Variants in CYBRD1 observed in about 807,000 individuals in gnomAD.
The protein encoded by CYBRD1 is cytochrome b reductase 1, also known as plasma membrane ascorbate-dependent reductase CYBRD1.
Under a neutral mutation model 21.9 loss-of-function variants are expected in CYBRD1, and 14 were observed. The observed-to-expected ratio is 0.64, with a 90% confidence interval of 0.42 to 1.00. The LOEUF is 1.00. CYBRD1 is among the 50% of genes least tolerant of loss of function. The probability of loss-of-function intolerance (pLI) is 0.00; values close to 1 mark genes in which losing one functional copy is unlikely to be tolerated. For synonymous variants in CYBRD1, 146 were observed against 136.5 expected, an observed-to-expected ratio of 1.07 and a Z score of -0.48; for missense variants, 328 against 352.5, an observed-to-expected ratio of 0.93 and a Z score of 0.56.
intron 1 of CYBRD1, among the ~76,000 whole-genome samples, chr2:171,538,475 T>C (rs1697577896): frequency 6.6e-6 from 1 of 152,126 alleles, no homozygotes; most frequent in Admixed American, 6.6e-5. Flanking sequence ...AAAAGATTCC[T>C]TGAATATAGA....
chr2:171,522,726 A>G lies in CYBRD1; in HGVS notation c.181A>G (p.Ile61Val), dbSNP rs868480546. 5.6e-6 allele frequency: 9 copies of G among 1,613,420 alleles called. No homozygotes were observed. The highest frequency in any genetic ancestry group is 6.8e-6 in the Non-Finnish European group (8 of 1,179,884). ...GCTCATGGTCACCGGCTTCGTCTTC[A>G]TCCAGGGCATCGGTACTGGCACCTC... ...PVLMVTGFVF[I>V]QGIAIIVYRL... Residue 61 changes from isoleucine (I) to valine (V), a missense_variant, in exon 1 of 4, where the codon ATC becomes GTC. Coordinates refer to ENST00000321348, the MANE Select transcript of CYBRD1 (RefSeq NM_024843.4). This position sits in a 1 kb window ranked among gnomAD's most constrained non-coding sequence, Gnocchi z 4.3.
chr2:171,536,879 C>G (rs1340998598), intron 1 of CYBRD1, among the ~76,000 whole-genome samples: 1 of 151,002 alleles, frequency 6.6e-6, no homozygotes, highest in Non-Finnish European at 1.5e-5. Context: ...TTTTTTTTTT[C>G]TGTATGTAGA....
chr2:171,542,792 G>A (rs186452413), intron 2 of CYBRD1, among the ~76,000 whole-genome samples: 37 of 152,066 alleles, frequency 2.4e-4, no homozygotes, highest in Admixed American at 2.4e-3. Context: ...GAGGTGCACA[G>A]CTCCCTTGAG....
At chr2:171,524,163 C>A (rs2105327038) in intron 1 of CYBRD1, among the ~76,000 whole-genome samples, 1 of 152,168 alleles carries the variant, frequency 6.6e-6, no homozygotes, top group Admixed American at 6.5e-5. Context: ...CCTCAGCATT[C>A]AAAGGCTTCC....
rs530881679 is a variant in CYBRD1 at position 171,540,215 on chromosome 2, A to T, written c.194-1370A>T. Among the ~76,000 whole-genome samples the T allele has an allele frequency of 7.2e-5, 11 of 152,312 alleles. 4 individuals are homozygous for T. The highest frequency in any genetic ancestry group is 2.6e-4 in the African/African-American group (11 of 41,574). Reference sequence around the variant, plus strand: ...GGCAACTACTATCCTGACTTTTCCAATGCAGAGATGAGTTTTGCTGGTTTC... The same window carrying T: ...GGCAACTACTATCCTGACTTTTCCATTGCAGAGATGAGTTTTGCTGGTTTC... On this transcript the variant is annotated intron_variant, in intron 1 of 3. Coordinates refer to ENST00000321348, the MANE Select transcript of CYBRD1 (RefSeq NM_024843.4).
chr2:171,555,532 G>A lies in CYBRD1; in HGVS notation c.*705G>A, dbSNP rs897238273. The stretch of plus-strand genomic sequence containing the variant: ...GCCCCAAGACTTCCCTAGGGTTGAT[G>A]TACTTTATGATCCAGATGCTAAACT... On this transcript the variant is annotated 3_prime_UTR_variant, in exon 4 of 4. Transcript: ENST00000321348. 1 of 152,258 alleles carries A rather than the reference G, an allele frequency of 6.6e-6. No homozygotes were observed. The highest frequency in any genetic ancestry group is 1.5e-5 in the Non-Finnish European group (1 of 68,142). 9.4% of individuals were successfully genotyped at this position (152,258 alleles called of 1,614,324 possible).
chr2:171,545,581 G>T (rs1244018894), intron 2 of CYBRD1, among the ~76,000 whole-genome samples: 24 of 146,174 alleles, frequency 1.6e-4, no homozygotes. Flanking sequence ...TAGAGACGGG[G>T]TTTCACCATG....
chr2:171,528,959 T>C (rs1306622902), intron 1 of CYBRD1, among the ~76,000 whole-genome samples: 1 of 152,248 alleles, frequency 6.6e-6, no homozygotes, highest in Non-Finnish European at 1.5e-5. Context: ...ATCTAAATTC[T>C]GATCACTGAC....
intron 1 of CYBRD1, among the ~76,000 whole-genome samples, chr2:171,527,015 T>A (rs1435881317): frequency 6.6e-6 from 1 of 152,194 alleles, no homozygotes; most frequent in Non-Finnish European, 1.5e-5. Flanking sequence ...CCTATTAATT[T>A]ATCTAAAAGT....
chr2:171,522,624 G>A lies in CYBRD1; in HGVS notation c.79G>A (p.Ala27Thr). 1.2e-6 allele frequency: 2 copies of A among 1,613,094 alleles called. No homozygotes were observed. Among genetic ancestry groups the A allele is most frequent in the South Asian group, 1.1e-5 (1 of 90,656 alleles). Residue 27 changes from alanine (A) to threonine (T), a missense_variant, in exon 1 of 4, where the codon GCC becomes ACC. Physicochemically the swap from Ala to Thr is moderately conservative, Grantham distance 58 (BLOSUM62 0). Transcript: ENST00000321348. This position sits in a 1 kb window ranked among gnomAD's most constrained non-coding sequence, Gnocchi z 4.3. The stretch of plus-strand genomic sequence containing the variant: ...CGTCGGCTTCCTGTCGGTGATCTTC[G>A]CCCTCGTCTGGGTCCTCCACTACCG... ...LLVGFLSVIF[A>T]LVWVLHYREG...
chr2:171,534,339 A>G (rs1434252830), intron 1 of CYBRD1, among the ~76,000 whole-genome samples: 5 of 152,068 alleles, frequency 3.3e-5, no homozygotes, highest in South Asian at 2.1e-4. Flanking sequence ...CTTCTCATTG[A>G]ACCTCAGGAA....
chr2:171,525,701 TAC>T (rs548704486), intron 1 of CYBRD1, among the ~76,000 whole-genome samples: 9 of 152,272 alleles, frequency 5.9e-5, no homozygotes, highest in Admixed American at 3.3e-4. Context: ...AAGGCTAAAG[TAC>T]AGTTATTACT....
intron 2 of CYBRD1, among the ~76,000 whole-genome samples, chr2:171,544,243 A>G (rs947432990): frequency 6.6e-6 from 1 of 152,140 alleles, no homozygotes; most frequent in African/African-American, 2.4e-5. Context: ...TAGGAATTCT[A>G]TATCGAATTC....
intron 2 of CYBRD1, among the ~76,000 whole-genome samples, chr2:171,546,793 G>A (rs1439430401): frequency 6.6e-6 from 1 of 152,168 alleles, no homozygotes; most frequent in Non-Finnish European, 1.5e-5. Context: ...CACACCTGGT[G>A]TAGAAAGGGC....
intron 1 of CYBRD1, among the ~76,000 whole-genome samples, chr2:171,533,222 CCG>C (rs1697496001): frequency 6.6e-6 from 1 of 152,060 alleles, no homozygotes; most frequent in Non-Finnish European, 1.5e-5. Flanking sequence ...CAAAAATTAG[CCG>C]GGCATGGTAG....
intron 1 of CYBRD1, chr2:171,540,687 C>T (rs1697615748): frequency 6.6e-6 from 1 of 151,262 alleles, no homozygotes. Flanking sequence ...GAGGTATTCT[C>T]ATTCGGCTTA....
rs1429473238 is a variant in CYBRD1, at chr2:171,526,404, CCTCTCCCTTCCTTTCCCCCTCT to C, written c.193+3674_193+3695del. Among the ~76,000 whole-genome samples, 94 of 151,898 alleles carry C rather than the reference CCTCTCCCTTCCTTTCCCCCTCT, an allele frequency of 6.2e-4. 4 individuals carry two copies. The highest frequency in any genetic ancestry group is 2.2e-3 in the African/African-American group (89 of 41,384). On this transcript the variant is annotated intron_variant, in intron 1 of 3. Coordinates refer to ENST00000321348, the MANE Select transcript of CYBRD1 (RefSeq NM_024843.4). ...CTTGTCCCATTTTCTCCTCTGTGTC[CCTCTCCCTTCCTTTCCCCCTCT>C]CTCTCCCCTCCTTTCCCCCTCTCTC...
chr2:171,529,647 G>A (rs1215604469), intron 1 of CYBRD1, among the ~76,000 whole-genome samples: 1 of 152,090 alleles, frequency 6.6e-6, no homozygotes, highest in East Asian at 1.9e-4. Context: ...ACAGTGGCTG[G>A]GCAGTGGCAG....
chr2:171,557,999 T>G lies in CYBRD1; in HGVS notation c.*3172T>G, dbSNP rs1316179053. The G allele has an allele frequency of 6.6e-6, 1 of 152,154 alleles. No homozygotes were observed. Among genetic ancestry groups the G allele is most frequent in the Non-Finnish European group, 1.5e-5 (1 of 68,026 alleles). 9.4% of individuals were successfully genotyped at this position (152,154 alleles called of 1,614,324 possible). A position where few individuals can be genotyped will look rare whatever the true frequency, so the allele number is the denominator to read the frequency against. ...CTCGAAAACCTTAAGTGAAAAAGAT[T>G]TCTATCTTTTTATCTTAGCGCATTT... On this transcript the variant is annotated 3_prime_UTR_variant, in exon 4 of 4. Transcript: ENST00000321348.
Sources: gnomAD v4.1 joint callset for allele counts (sites outside exome capture counted in the v4.1 genomes callset) on GRCh38, gnomAD v4.1.1 for gene constraint, Gnocchi (gnomAD v3.1) non-coding constraint, MANE v1.5 for transcripts, NCBI Gene and HGNC (gene_info 2026-07-23, HGNC 2026-07-21) for gene names.